The following ARGFX variants were observed in gnomAD, a reference collection of about 807,000 sequenced individuals.
The protein encoded by ARGFX is arginine-fifty homeobox.
A neutral mutation model predicts 8.0 loss-of-function variants in ARGFX; 10 were observed. The observed-to-expected ratio is 1.25, with a 90% CI of 0.77 to 2.12. ARGFX has a LOEUF of 2.12. Ranked by LOEUF, ARGFX falls within the 30% of genes most tolerant of loss-of-function variation. The pLI, the probability that ARGFX is intolerant of heterozygous loss-of-function variation, is 0.00. For missense variants in ARGFX, 282 were observed against 324.3 expected (o/e 0.87, Z 1.00); for synonymous variants, 116 against 117.8 (o/e 0.98, Z 0.10).
At chr3:121,585,150 G>T (rs1182027430) in intron 4 of ARGFX, 85 bp downstream of exon 4, 1 of 1,427,642 alleles carries the variant, frequency 7.0e-7, no homozygotes, top group Admixed American at 2.1e-5. Context: ...CTCTACCCCT[G>T]CCCCACAATA....
In ARGFX at chr3:121,588,311, C is replaced by CAAAAAAAAAAAA. The variant is rs756800220; in HGVS notation, c.*1720_*1731dup. ...TGAAATCCCGTCTCTACTAAAAATA[C>CAAAAAAAAAAAA]AAAAAAAAAAAAAAAAAAAAGCCAG... is the stretch of plus-strand genomic sequence containing the variant. On this transcript the variant is annotated 3_prime_UTR_variant, in exon 5 of 5. Transcript: ENST00000334384. 3.9e-5 allele frequency among the ~76,000 whole-genome samples: 2 copies of CAAAAAAAAAAAA among 51,480 alleles called. No individual in the cohort carries two copies. Among genetic ancestry groups the CAAAAAAAAAAAA allele is most frequent in the Non-Finnish European group, 8.8e-5 (2 of 22,714 alleles). The allele number at this position is 51,480 out of a possible 152,430, so 33.8% of individuals were successfully genotyped here.
intron 4 of ARGFX, among the ~76,000 whole-genome samples, 175 bp from the exon 5 acceptor site, chr3:121,585,846 CT>C (rs747984651): frequency 2.4e-4 from 37 of 152,140 alleles, no homozygotes; most frequent in Non-Finnish European, 4.7e-4. Context: ...CAGACCTGAT[CT>C]TCATCATCCC....
Position 121,569,555 on chromosome 3 carries a change from G to A in ARGFX, c.-12-1147G>A, listed in dbSNP as rs575647605. Among the ~76,000 whole-genome samples, 53 of 152,106 alleles carry A rather than the reference G, an allele frequency of 3.5e-4. 5 individuals carry two copies. In the South Asian group the frequency reaches 9.6e-3, roughly 27 times the overall value. On this transcript the variant is annotated intron_variant, in intron 1 of 4. Coordinates refer to ENST00000334384, the MANE Select transcript of ARGFX (RefSeq NM_001012659.2). Reference sequence around the variant, plus strand: ...TAATTTTCGTATTCTTAGTAGAGATGGGGCTTTACCATGTTGGTCAGGCTG... The same window carrying A: ...TAATTTTCGTATTCTTAGTAGAGATAGGGCTTTACCATGTTGGTCAGGCTG...
At chr3:121,581,108 C>T (rs2048777516) in intron 3 of ARGFX, among the ~76,000 whole-genome samples, 1 of 152,076 alleles carries the variant, frequency 6.6e-6, no homozygotes, top group African/African-American at 2.4e-5. Context: ...GCTGGGCTTA[C>T]AGGCACACAT....
At chr3:121,579,557 T>C (rs548281772) in intron 3 of ARGFX, among the ~76,000 whole-genome samples, 12 of 152,344 alleles carry the variant, frequency 7.9e-5, no homozygotes, top group African/African-American at 2.4e-4. Flanking sequence ...GTGCCCTCTC[T>C]GTAGTCTGTA....
intron 3 of ARGFX, among the ~76,000 whole-genome samples, chr3:121,578,007 A>G (rs530699623): frequency 6.6e-6 from 1 of 151,852 alleles, no homozygotes; most frequent in East Asian, 1.9e-4. Flanking sequence ...GCTGGTCTCA[A>G]ACTTCTGACT....
chr3:121,586,505 C>T lies in ARGFX; in HGVS notation c.853C>T (p.Pro285Ser), dbSNP rs1560123411. 1 of 1,614,142 alleles carries T rather than the reference C, an allele frequency of 6.2e-7. No individual in the cohort carries two copies. The highest frequency in any genetic ancestry group is 8.5e-7 in the Non-Finnish European group (1 of 1,180,016). ...AVGLSPAQTW[P>S]NMTSQAFEAY... ...AGGCCTATCTCCTGCACAAACCTGG[C>T]CCAATATGACAAGCCAAGCCTTTGA... The change falls in exon 5 of 5, where the codon CCC (proline) becomes TCC (serine). Residue 285 changes from proline to serine, a missense_variant. By Grantham distance (74) the Pro-to-Ser change is moderately conservative. Coordinates refer to ENST00000334384, the MANE Select transcript of ARGFX (RefSeq NM_001012659.2).
intron 3 of ARGFX, among the ~76,000 whole-genome samples, chr3:121,583,792 T>G (rs1414607319): frequency 6.6e-6 from 1 of 152,162 alleles, no homozygotes; most frequent in Non-Finnish European, 1.5e-5. Context: ...CTCCCATAAG[T>G]GCTGGGATTA....
rs202064163 is a variant in ARGFX at position 121,586,127 on chromosome 3, C to T, written c.475C>T (p.Pro159Ser). Residue 159 changes from proline to serine, a missense_variant, in exon 5 of 5, where the codon CCC (proline) becomes TCC (serine). Physicochemically the swap from Pro to Ser is moderately conservative, Grantham distance 74. Transcript: ENST00000334384. The part of the protein sequence containing the change: ...LPSKKNVPTS[P>S]RTSPSPYAFS... The stretch of plus-strand genomic sequence containing the variant: ...ATCCAAGAAGAATGTGCCCACCTCC[C>T]CCAGAACATCCCCCAGTCCTTATGC... 1.7e-5 allele frequency: 27 copies of T among 1,613,730 alleles called. No individual in the cohort carries two copies. Among genetic ancestry groups the T allele is most frequent in the Non-Finnish European group, 2.0e-5 (24 of 1,179,916 alleles).
rs750350541 is a variant in ARGFX at position 121,586,065 on chromosome 3, A to G, written c.413A>G (p.Gln138Arg). Residue 138 changes from glutamine (Q) to arginine (R), a missense_variant, in exon 5 of 5, where the codon CAG (glutamine) becomes CGG (arginine). Coordinates refer to ENST00000334384, the MANE Select transcript of ARGFX (RefSeq NM_001012659.2). ...NRRFKLKKQQ[Q>R]QQSAKQRNQI... is the part of the protein sequence containing the mutation. ...CGATTCAAATTGAAGAAGCAGCAGCAGCAGCAATCAGCAAAGCAACGAAAC... is the reference window on the plus strand; with the variant it reads ...CGATTCAAATTGAAGAAGCAGCAGCGGCAGCAATCAGCAAAGCAACGAAAC... The G allele has an allele frequency of 1.0e-5, 16 of 1,594,346 alleles. No homozygotes were observed. The highest frequency in any genetic ancestry group is 1.3e-5 in the Non-Finnish European group (15 of 1,172,022).
chr3:121,576,629 G>T (rs143567962), intron 2 of ARGFX, among the ~76,000 whole-genome samples, 155 bp from the exon 3 acceptor site: 3 of 151,952 alleles, frequency 2.0e-5, no homozygotes, highest in African/African-American at 7.3e-5. Context: ...GAGCCACCAC[G>T]CCTGACCTTC....
rs751790260 is a variant in ARGFX at position 121,590,588 on chromosome 3, C to G, written c.*3988C>G. On this transcript the variant is annotated 3_prime_UTR_variant, in exon 5 of 5. Transcript: ENST00000334384. The stretch of plus-strand genomic sequence containing the variant: ...CGTCTGAGACTGGAAGACTTCCCAG[C>G]CTTCAGAACTGTAAGAAATAAATCT... Among the ~76,000 whole-genome samples the G allele has an allele frequency of 1.4e-3, 210 of 152,278 alleles. No homozygotes were observed. Among genetic ancestry groups the G allele is most frequent in the Non-Finnish European group, 2.6e-3 (177 of 68,030 alleles).
intron 3 of ARGFX, among the ~76,000 whole-genome samples, chr3:121,580,093 C>T (rs545755771): frequency 9.9e-5 from 15 of 151,854 alleles, no homozygotes; most frequent in African/African-American, 3.6e-4. Context: ...GCTGGGAATA[C>T]AGGTGCGTGC....
chr3:121,573,209 G>A (rs1445707060), intron 2 of ARGFX, among the ~76,000 whole-genome samples: 2 of 152,214 alleles, frequency 1.3e-5, no homozygotes, highest in Non-Finnish European at 2.9e-5. Context: ...GGCCGGGCAT[G>A]GTGGCTCATG....
chr3:121,579,575 T>C (rs2048764856), intron 3 of ARGFX, among the ~76,000 whole-genome samples: 1 of 152,172 alleles, frequency 6.6e-6, no homozygotes, highest in East Asian at 1.9e-4. Context: ...GTATCTCTTC[T>C]CAGGGAGCCC....
At position 121,586,807 on chromosome 3, in the gene ARGFX, C is replaced by A. The variant is rs1472199820; in HGVS notation, c.*207C>A. 6.6e-6 allele frequency among the ~76,000 whole-genome samples: 1 copy of A among 152,190 alleles called. No individual in the cohort carries two copies. The highest frequency in any genetic ancestry group is 1.5e-5 in the Non-Finnish European group (1 of 68,032). ...TCTCCCTGAGAAGCCTGCCTAGTCC[C>A]TTTCATGGCCAATGAGACTCCAAAA... On this transcript the variant is annotated 3_prime_UTR_variant, in exon 5 of 5. Transcript: ENST00000334384.
At chr3:121,568,229 T>C (rs1317678689) in intron 1 of ARGFX, among the ~76,000 whole-genome samples, 1 of 152,202 alleles carries the variant, frequency 6.6e-6, no homozygotes, top group Non-Finnish European at 1.5e-5. Context: ...ACTCCTTACT[T>C]ACTGAGTGTG....
intron 3 of ARGFX, among the ~76,000 whole-genome samples, chr3:121,581,413 C>T (rs1157586988): frequency 6.6e-6 from 1 of 152,104 alleles, no homozygotes; most frequent in Non-Finnish European, 1.5e-5. Flanking sequence ...CATAGCAAGA[C>T]TTTAAAATCC....
chr3:121,576,793 T>C lies in ARGFX; in HGVS notation c.113T>C (p.Leu38Pro). Residue 38 changes from leucine to proline, a missense_variant, in exon 3 of 5, where the codon CTG becomes CCG. Coordinates refer to ENST00000334384, the MANE Select transcript of ARGFX (RefSeq NM_001012659.2). ...PQDPASPSFT[L>P]LSKLECSGTV... is the part of the protein sequence containing the mutation. ...TCTTTTTTTGAGACAGGTTTCACTC[T>C]GTTATCCAAGCTGGAGTGCAGTGGC... 2.4e-6 allele frequency: 1 copy of C among 417,378 alleles called. No homozygotes were observed. The highest frequency in any genetic ancestry group is 4.7e-6 in the Non-Finnish European group (1 of 210,544). 25.9% of individuals were successfully genotyped at this position (417,378 alleles called of 1,614,324 possible).
Sources: gnomAD v4.1 joint callset for allele counts (sites outside exome capture counted in the v4.1 genomes callset) on GRCh38, gnomAD v4.1.1 for gene constraint, MANE v1.5 for transcripts, NCBI Gene and HGNC (gene_info 2026-07-23, HGNC 2026-07-21) for gene names.